PAPPA: variants seen among roughly 807,000 people sequenced by gnomAD.
PAPPA encodes the protein pappalysin 1, also known as pappalysin-1.
PAPPA carries 60 observed loss-of-function variants against 164.0 expected under a neutral mutation model. The observed-to-expected ratio is 0.37, with a 90% CI of 0.30 to 0.45. The LOEUF (loss-of-function observed/expected upper bound fraction) is 0.45, where lower values mean the gene tolerates loss of function less well. Among genes scored for constraint, PAPPA ranks in the 20% least tolerant of loss-of-function variants. The pLI, the probability that PAPPA is intolerant of heterozygous loss-of-function variation, is 1.00. For synonymous variants in PAPPA, 875 were observed against 814.1 expected, an observed-to-expected ratio of 1.07 and a Z score of -1.27; for missense variants, 1,782 against 2,087.3, an observed-to-expected ratio of 0.85 and a Z score of 2.85.
intron 9 of PAPPA, among the ~76,000 whole-genome samples, chr9:116,284,021 T>C (rs1845300226): frequency 6.6e-6 from 1 of 152,240 alleles, no homozygotes; most frequent in Non-Finnish European, 1.5e-5. Flanking sequence ...ATATATTGTT[T>C]TATTAATTTA....
At chr9:116,168,501 T>C (rs1256911964) in intron 1 of PAPPA, among the ~76,000 whole-genome samples, 1 of 152,198 alleles carries the variant, frequency 6.6e-6, no homozygotes, top group Non-Finnish European at 1.5e-5. Flanking sequence ...ATGTTTATCA[T>C]GAGAGTGAAA....
intron 9 of PAPPA, among the ~76,000 whole-genome samples, chr9:116,293,331 T>C (rs983362611): frequency 2.0e-5 from 3 of 152,248 alleles, no homozygotes; most frequent in African/African-American, 7.2e-5. Flanking sequence ...AGATGGGCTA[T>C]ATTCTATTTT....
chr9:116,399,680 C>G lies in PAPPA; in HGVS notation c.*3064C>G, dbSNP rs1847020376. On this transcript the variant is annotated 3_prime_UTR_variant, in exon 22 of 22. Coordinates refer to ENST00000328252, the MANE Select transcript of PAPPA (RefSeq NM_002581.5). ...CCAAGCCACAATCTTAACTACCTAC[C>G]CAAAGGATTTGCATTACCCCCAGAT... The G allele has an allele frequency of 6.6e-6, 1 of 152,510 alleles. No homozygotes were observed. Among genetic ancestry groups the G allele is most frequent in the African/African-American group, 2.4e-5 (1 of 41,414 alleles). 9.4% of individuals were successfully genotyped at this position (152,510 alleles called of 1,614,324 possible). A position where few individuals can be genotyped will look rare whatever the true frequency, so the allele number is the denominator to read the frequency against.
chr9:116,249,052 A>G (rs1392772905), intron 7 of PAPPA, among the ~76,000 whole-genome samples: 1 of 152,208 alleles, frequency 6.6e-6, no homozygotes, highest in Non-Finnish European at 1.5e-5. Context: ...TTCAACAGGC[A>G]ATTATTTAGC....
At chr9:116,219,390 G>A (rs943172571) in intron 4 of PAPPA, among the ~76,000 whole-genome samples, 1 of 152,214 alleles carries the variant, frequency 6.6e-6, no homozygotes, top group Non-Finnish European at 1.5e-5. Context: ...ACACTCAGAA[G>A]GTTTGTTTGA....
chr9:116,240,541 A>G (rs1844723016), intron 7 of PAPPA, among the ~76,000 whole-genome samples: 1 of 152,228 alleles, frequency 6.6e-6, no homozygotes, highest in Non-Finnish European at 1.5e-5. Flanking sequence ...AAGAATGAGA[A>G]GGAATTTAGC....
chr9:116,364,691 G>C (rs3789299), intron 18 of PAPPA, among the ~76,000 whole-genome samples: 60,025 of 151,942 alleles, frequency 0.4, 12,717 homozygotes, highest in South Asian at 0.59. Context: ...ATTTTATTCA[G>C]ATGTCTCAAC....
intron 7 of PAPPA, among the ~76,000 whole-genome samples, chr9:116,236,586 CAAAA>C (rs35004875): frequency 1.2e-5 from 1 of 84,768 alleles, no homozygotes; most frequent in Non-Finnish European, 2.4e-5. Context: ...AACTCCATCT[CAAAA>C]AAAAAAAAAA....
chr9:116,299,018 A>T (rs1845545718), intron 9 of PAPPA, among the ~76,000 whole-genome samples: 3 of 152,116 alleles, frequency 2.0e-5, no homozygotes, highest in Non-Finnish European at 4.4e-5. Context: ...TTTGTATTCC[A>T]TTCCTCACTC....
chr9:116,365,650 G>A (rs1846492357), intron 18 of PAPPA, among the ~76,000 whole-genome samples: 1 of 139,626 alleles, frequency 7.2e-6, no homozygotes, highest in Admixed American at 7.9e-5. Flanking sequence ...TCACAGCCTT[G>A]TCTCATCTTT....
chr9:116,238,232 A>G (rs1564195149), intron 7 of PAPPA, among the ~76,000 whole-genome samples: 1 of 152,220 alleles, frequency 6.6e-6, no homozygotes, highest in Non-Finnish European at 1.5e-5. Flanking sequence ...ACAAGTTCTC[A>G]AAGTGTGGCC....
intron 2 of PAPPA, among the ~76,000 whole-genome samples, chr9:116,195,511 C>A (rs1193559145): frequency 1.3e-5 from 2 of 152,158 alleles, no homozygotes; most frequent in Non-Finnish European, 2.9e-5. Context: ...AGTTCTGTAA[C>A]CTTGCACAGG....
At chr9:116,273,184 G>A (rs1182369252) in intron 9 of PAPPA, among the ~76,000 whole-genome samples, 2 of 152,150 alleles carry the variant, frequency 1.3e-5, no homozygotes, top group East Asian at 1.9e-4. Context: ...CCCTGAAAGA[G>A]ATGCTTGAGC....
At position 116,353,036 on chromosome 9, in the gene PAPPA, T is replaced by C. The variant is rs1022415617; in HGVS notation, c.4175+120T>C. 19 of 762,962 alleles carry C rather than the reference T, an allele frequency of 2.5e-5. No individual in the cohort carries two copies. In the African/African-American group the frequency reaches 2.6e-4, roughly 10 times the overall value. 47.3% of individuals were successfully genotyped at this position (762,962 alleles called of 1,614,324 possible). On this transcript the variant is annotated intron_variant, in intron 16 of 21. Coordinates refer to ENST00000328252, the MANE Select transcript of PAPPA (RefSeq NM_002581.5). ...GAGGTAATGACTGCCATTCATCCCA[T>C]TCTGTTCTGTGAGAAGCTAGAAGGA...
intron 2 of PAPPA, among the ~76,000 whole-genome samples, chr9:116,189,380 T>G (rs1447712025): frequency 6.6e-6 from 1 of 152,262 alleles, no homozygotes; most frequent in African/African-American, 2.4e-5. Context: ...CATAACATCA[T>G]GTCTACCTTA....
At chr9:116,161,762 T>C (rs926350797) in intron 1 of PAPPA, among the ~76,000 whole-genome samples, 4 of 150,974 alleles carry the variant, frequency 2.6e-5, no homozygotes, top group Non-Finnish European at 5.9e-5. Flanking sequence ...ATTAGCAAAC[T>C]GATAACAATT....
intron 19 of PAPPA, among the ~76,000 whole-genome samples, chr9:116,371,407 A>G (rs549125776): frequency 4.5e-4 from 68 of 152,168 alleles, no homozygotes; most frequent in African/African-American, 1.4e-3. Flanking sequence ...ACAGAGTGAG[A>G]CTCTGTCTCG....
rs139149125 is a variant in PAPPA, at chr9:116,311,750, C to T, written c.3147+8800C>T. ...CATATATAAAGTGTATAATACGTGG[C>T]TACGTCTTGCGAGGCATCTAATTCT... On this transcript the variant is annotated intron_variant, in intron 10 of 21. Coordinates refer to ENST00000328252, the MANE Select transcript of PAPPA (RefSeq NM_002581.5). Among the ~76,000 whole-genome samples, 240 of 152,312 alleles carry T rather than the reference C, an allele frequency of 1.6e-3. 2 individuals are homozygous for T. Among genetic ancestry groups the T allele is most frequent in the African/African-American group, 5.7e-3 (235 of 41,558 alleles).
At chr9:116,302,265 A>AT (rs1341286651) in intron 9 of PAPPA, among the ~76,000 whole-genome samples, 1 of 152,116 alleles carries the variant, frequency 6.6e-6, no homozygotes, top group East Asian at 1.9e-4. Flanking sequence ...TTCTTTATAT[A>AT]TTTTAAATGT....
Sources: allele counts gnomAD v4.1 joint callset (sites outside exome capture counted in the v4.1 genomes callset), GRCh38; gene constraint gnomAD v4.1.1; transcripts MANE v1.5; gene names NCBI Gene and HGNC (gene_info 2026-07-23, HGNC 2026-07-21).